CFP: variants seen among roughly 807,000 people sequenced by gnomAD.
CFP encodes the protein properdin.
CFP carries 14 observed loss-of-function variants against 42.1 expected under a neutral mutation model. The ratio of observed to expected loss-of-function variants is 0.33; its 90% confidence interval spans 0.22 to 0.52. The LOEUF is 0.52. Ranked by LOEUF, CFP falls within the 20% of genes least tolerant of loss-of-function variation. CFP has a pLI of 0.96. For synonymous variants in CFP, 149 were observed against 160.6 expected, an observed-to-expected ratio of 0.93 and a Z score of 0.54; for missense variants, 318 against 400.4, an observed-to-expected ratio of 0.79 and a Z score of 1.76.
In CFP at chrX:47,629,803, C is replaced by T. The variant is rs371398463; in HGVS notation, c.42G>A (p.Pro14=). ...EGAQAPRLLL[P]PLLLLLTLPA... ...GCAGGGTGAGCAGCAGGAGCAGCGGCGGCAGCAACAATCGAGGGGCCTGCG... is the reference window on the plus strand; with the variant it reads ...GCAGGGTGAGCAGCAGGAGCAGCGGTGGCAGCAACAATCGAGGGGCCTGCG... The change falls in exon 1 of 9, where the codon CCG becomes CCA. Residue 14 remains proline (P), a synonymous_variant. Coordinates refer to ENST00000396992, the MANE Select transcript of CFP (RefSeq NM_001145252.3). The T allele has an allele frequency of 2.7e-5, 32 of 1,166,441 alleles. No individual in the cohort carries two copies. In the African/African-American group the frequency reaches 3.1e-4, roughly 11 times the overall value.
Position 47,626,752 on chromosome X carries a change from C to A in CFP, c.940+21G>T, listed in dbSNP as rs539948417. On this transcript the variant is annotated intron_variant, in intron 6 of 8. Transcript: ENST00000396992. ...GCAAGGGGGACTTAGGCATGCAAATCGTGAACCCTGAGATGCTGACCAGGG... is the reference window on the plus strand; with the variant it reads ...GCAAGGGGGACTTAGGCATGCAAATAGTGAACCCTGAGATGCTGACCAGGG... The A allele has an allele frequency of 4.1e-5, 49 of 1,192,364 alleles. No homozygotes were observed. The South Asian group carries it at 7.7e-4, about 19-fold the overall frequency.
rs905696091 is a variant in CFP at position 47,627,193 on chromosome X, G to A, written c.714C>T (p.Cys238=). 6 of 1,211,945 alleles carry A rather than the reference G, an allele frequency of 5.0e-6. No homozygotes were observed. Among genetic ancestry groups the A allele is most frequent in the Non-Finnish European group, 6.7e-6 (6 of 895,402 alleles). The change falls in exon 5 of 9, where the codon TGC becomes TGT. Residue 238 remains cysteine (C), a synonymous_variant. Transcript: ENST00000396992. The part of the protein sequence containing the change: ...EPSQKPPGKP[C]PGLAYEQRRC... ...TCCGCTGCTCGTAGGCTAGCCCCGGGCAGGGCTTCCCAGGAGGTTTCTGGG... is the reference window on the plus strand; with the variant it reads ...TCCGCTGCTCGTAGGCTAGCCCCGGACAGGGCTTCCCAGGAGGTTTCTGGG...
chrX:47,628,765 G>A (rs993661184), intron 2 of CFP: 9 of 240,413 alleles, frequency 3.7e-5, no homozygotes, highest in Non-Finnish European at 7.0e-5. Context: ...CATGACTTGG[G>A]GCCCAGAGCT....
chrX:47,627,043 G>A, intron 5 of CFP, 97 bp from the exon 6 acceptor site: 4 of 1,145,205 alleles, frequency 3.5e-6, no homozygotes, highest in Non-Finnish European at 4.7e-6. Context: ...ATGAAGGGCT[G>A]CATGGTCACA....
Position 47,626,121 on chromosome X carries a change from G to C in CFP, c.1181C>G (p.Pro394Arg), listed in dbSNP as rs973170625. Residue 394 changes from proline (P) to arginine (R), a missense_variant, in exon 8 of 9, where the codon CCC (proline) becomes CGC (arginine). Transcript: ENST00000396992. ...GGCACGGGTAGGATTAGGTCCACAG[G>C]GGGGCATGCACAGCCCCCAGGTACT... is the stretch of plus-strand genomic sequence containing the variant. ...EWSTWGLCMP[P>R]CGPNPTRARQ... 2 of 1,177,471 alleles carry C rather than the reference G, an allele frequency of 1.7e-6. No individual in the cohort carries two copies. Among genetic ancestry groups the C allele is most frequent in the African/African-American group, 3.6e-5 (2 of 55,971 alleles).
At chrX:47,628,368 C>T in intron 2 of CFP, 91 bp from the exon 3 acceptor site, 3 of 922,862 alleles carry the variant, frequency 3.3e-6, no homozygotes, top group Non-Finnish European at 4.6e-6. Context: ...CGAAGGGTTG[C>T]TAGGCAAGTG....
upstream of CFP, chrX:47,630,105 G>C: frequency 2.4e-6 from 1 of 408,674 alleles, no homozygotes; most frequent in African/African-American, 2.5e-5. Context: ...GTGTTCAATA[G>C]AAGCTCCTAG....
chrX:47,626,225 G>A, intron 7 of CFP, 56 bp from the exon 8 acceptor site: 2 of 1,135,550 alleles, frequency 1.8e-6, no homozygotes, highest in Non-Finnish European at 2.4e-6. Context: ...GTGGGAAAGT[G>A]AGAGGGAGGC....
chrX:47,626,003 C>T (rs996120303), intron 8 of CFP, 55 bp downstream of exon 8: 1 of 1,026,579 alleles, frequency 9.7e-7, no homozygotes, highest in Admixed American at 2.6e-5. Flanking sequence ...GTAGCCGACT[C>T]TCCCGCCTGT....
At chrX:47,627,760 C>T (rs1226032889) in intron 3 of CFP, 119 bp from the exon 4 acceptor site, 22 of 784,085 alleles carry the variant, frequency 2.8e-5, no homozygotes, top group Non-Finnish European at 3.7e-5. Flanking sequence ...CCATTCTGGG[C>T]CCACCATCCC....
chrX:47,626,761 T>C lies in CFP; in HGVS notation c.940+12A>G. ...ACTTAGGCATGCAAATCGTGAACCCTGAGATGCTGACCAGGGCAGGGCACA... is the reference window on the plus strand; with the variant it reads ...ACTTAGGCATGCAAATCGTGAACCCCGAGATGCTGACCAGGGCAGGGCACA... On this transcript the variant is annotated intron_variant, in intron 6 of 8. Coordinates refer to ENST00000396992, the MANE Select transcript of CFP (RefSeq NM_001145252.3). 8.3e-7 allele frequency: 1 copy of C among 1,198,947 alleles called. No homozygotes were observed. Among genetic ancestry groups the C allele is most frequent in the Non-Finnish European group, 1.1e-6 (1 of 887,687 alleles).
At chrX:47,628,724 T>C in intron 2 of CFP, 1 of 262,629 alleles carries the variant, frequency 3.8e-6, no homozygotes, top group Non-Finnish European at 7.2e-6. Context: ...AGGTATGCTG[T>C]TCATGCCAAA....
rs745901112 is a variant in CFP at position 47,626,834 on chromosome X, G to A, written c.879C>T (p.Gly293=). ...GGGTGGCATCGCCAGCACAGAAGGG[G>A]CCCCCATGCTGGGGCACAGGGTGAT... The part of the protein sequence containing the change: ...TCNHPVPQHG[G]PFCAGDATRT... Residue 293 remains glycine, a synonymous_variant, in exon 6 of 9, where the codon GGC becomes GGT. Coordinates refer to ENST00000396992, the MANE Select transcript of CFP (RefSeq NM_001145252.3). 2.5e-6 allele frequency: 3 copies of A among 1,211,261 alleles called. No individual in the cohort carries two copies. Among genetic ancestry groups the A allele is most frequent in the East Asian group, 3.0e-5 (1 of 33,818 alleles).
rs758858124 is a variant in CFP at position 47,629,751 on chromosome X, G to A, written c.76+18C>T. ...GGCCTGGACACCCCTGGGGCCAGCT[G>A]GGCCCTCACCCCCTCACCTGTGGCT... On this transcript the variant is annotated intron_variant, in intron 1 of 8. Transcript: ENST00000396992. The A allele has an allele frequency of 1.7e-6, 2 of 1,165,959 alleles. No individual in the cohort carries two copies. The highest frequency in any genetic ancestry group is 3.8e-5 in the South Asian group (2 of 52,557).
At chrX:47,629,175 A>G in intron 2 of CFP, 2 of 249,978 alleles carry the variant, frequency 8.0e-6, no homozygotes, top group Non-Finnish European at 1.4e-5. Context: ...GAGCTATGTC[A>G]GTGGTTCTCA....
rs2057956815 is a variant in CFP, at chrX:47,623,785, CGCGGAG to C, written c.*484_*489del. 1 of 127,511 alleles carries C rather than the reference CGCGGAG, an allele frequency of 7.8e-6. No individual in the cohort carries two copies. Among genetic ancestry groups the C allele is most frequent in the African/African-American group, 3.2e-5 (1 of 31,314 alleles). 10.5% of individuals were successfully genotyped at this position (127,511 alleles called of 1,213,427 possible). ...GCCTCTGCCGTTCATCCTCGACTGA[CGCGGAG>C]TCGGAGTCGGCCGGCAGAGGCTCCT... On this transcript the variant is annotated 3_prime_UTR_variant, in exon 9 of 9. Transcript: ENST00000396992.
In CFP at chrX:47,627,569, C is replaced by T. The variant is rs200131215; in HGVS notation, c.476G>A (p.Arg159His). The T allele has an allele frequency of 1.1e-4, 138 of 1,202,537 alleles. No individual in the cohort carries two copies. The highest frequency in any genetic ancestry group is 2.4e-4 in the Middle Eastern group (1 of 4,097). The part of the protein sequence containing the change: ...SVTCSKGTRT[R>H]RRACNHPAPK... ...AGCAGGGTGATTACAGGCTCGCCTG[C>T]GGGTCCGGGTCCCTTTGGAGCAGGT... Residue 159 changes from arginine (R) to histidine (H), a missense_variant, in exon 4 of 9, where the codon CGC becomes CAC. Arg to His is a conservative substitution (Grantham distance 29, BLOSUM62 0). Coordinates refer to ENST00000396992, the MANE Select transcript of CFP (RefSeq NM_001145252.3).
chrX:47,630,044 C>G (rs6609541), upstream of CFP: 18 of 454,315 alleles, frequency 4.0e-5, no homozygotes, highest in Middle Eastern at 2.4e-3. Flanking sequence ...TGGTCTTGTT[C>G]TGTTTGTTAC....
At chrX:47,629,941 G>A, upstream of CFP, 1 of 968,675 alleles carries the variant, frequency 1.0e-6, no homozygotes, top group East Asian at 3.4e-5. Flanking sequence ...GAACCTAGAG[G>A]CAGGAGGAAC....
Sources: gnomAD v4.1 joint callset for allele counts on GRCh38, gnomAD v4.1.1 for gene constraint, MANE v1.5 for transcripts, NCBI Gene and HGNC (gene_info 2026-07-23, HGNC 2026-07-21) for gene names.